The following ABCB9 variants were observed in gnomAD, a reference collection of about 807,000 sequenced individuals.
ABCB9 encodes ATP binding cassette subfamily B member 9, also known as ABC-type oligopeptide transporter ABCB9.
ABCB9 carries 36 observed loss-of-function variants against 62.0 expected under a neutral mutation model. That is an observed-to-expected ratio of 0.58 (90% CI 0.45 to 0.77). ABCB9 has a LOEUF of 0.77. ABCB9 is among the 30% of genes least tolerant of loss of function. The probability of loss-of-function intolerance (pLI) is 0.00; values close to 1 mark genes in which losing one functional copy is unlikely to be tolerated. For missense variants in ABCB9, 943 were observed against 1,054.7 expected (o/e 0.89, Z 1.47); for synonymous variants, 435 against 461.4 (o/e 0.94, Z 0.73).
chr12:122,946,319 G>A (rs1167010681), intron 5 of ABCB9, 97 bp from the exon 6 acceptor site: 54 of 1,254,536 alleles, frequency 4.3e-5, no homozygotes, highest in Non-Finnish European at 6.2e-5. Context: ...ACCCTTCGCT[G>A]GCACCAGCTA....
In ABCB9 at chr12:122,929,687, G is replaced by C; in HGVS notation, c.*224C>G. ...CTCTACCTTTGCTTAGGAGGCTAGG[G>C]AGGTCCGTGAAGGCGTTGGCTCAGG... On this transcript the variant is annotated 3_prime_UTR_variant, in exon 12 of 12. Coordinates refer to ENST00000280560, the MANE Select transcript of ABCB9 (RefSeq NM_019625.4). This position sits in a 1 kb window ranked among gnomAD's most constrained non-coding sequence, Gnocchi z 6.0. 7.8e-7 allele frequency: 1 copy of C among 1,287,724 alleles called. No homozygotes were observed. The highest frequency in any genetic ancestry group is 9.8e-7 in the Non-Finnish European group (1 of 1,015,620). The allele number at this position is 1,287,724 out of a possible 1,614,324, so 79.8% of individuals were successfully genotyped here.
intron 11 of ABCB9, among the ~76,000 whole-genome samples, chr12:122,923,259 T>G (rs1593951220): frequency 6.6e-6 from 1 of 152,234 alleles, no homozygotes; most frequent in Admixed American, 6.5e-5. Context: ...TGCACCACTG[T>G]GTCCTGCCTT....
In ABCB9 at chr12:122,959,552, G is replaced by C. The variant is rs1195876476; in HGVS notation, c.601+83C>G. 6.6e-6 allele frequency: 10 copies of C among 1,504,276 alleles called. No homozygotes were observed. Among genetic ancestry groups the C allele is most frequent in the Non-Finnish European group, 8.9e-6 (10 of 1,126,048 alleles). The allele number at this position is 1,504,276 out of a possible 1,614,324, so 93.2% of individuals were successfully genotyped here. A position where few individuals can be genotyped will look rare whatever the true frequency, so the allele number is the denominator to read the frequency against. Reference sequence around the variant, plus strand: ...TCAATTTGATGTCTGAACCACGTAAGTAAAATCTTTTAAAATCTAAGGCAG... The same window carrying C: ...TCAATTTGATGTCTGAACCACGTAACTAAAATCTTTTAAAATCTAAGGCAG... On this transcript the variant is annotated intron_variant, in intron 2 of 11. Coordinates refer to ENST00000280560, the MANE Select transcript of ABCB9 (RefSeq NM_019625.4). The surrounding 1 kb of genome is among the most constrained non-coding windows in gnomAD (Gnocchi z 5.4).
At chr12:122,957,317 T>G (rs1475964833) in intron 2 of ABCB9, among the ~76,000 whole-genome samples, 1 of 152,122 alleles carries the variant, frequency 6.6e-6, no homozygotes, top group Non-Finnish European at 1.5e-5. Flanking sequence ...GTGCTGGGAT[T>G]AGACATGAGC....
rs1420499664 is a variant in ABCB9, at chr12:122,935,336, C to T, written c.1839G>A (p.Val613=). The change falls in exon 10 of 12, where the codon GTG becomes GTA. Residue 613 remains valine, a synonymous_variant. Transcript: ENST00000280560. The part of the protein sequence containing the change: ...GLPTVPFEMV[V]EAAQKANAHG... ...GGGCATTGGCCTTCTGTGCGGCCTC[C>T]ACCACCATCTCGAAAGGCACAGTGG... 6.8e-6 allele frequency: 11 copies of T among 1,613,964 alleles called. No homozygotes were observed. Among genetic ancestry groups the T allele is most frequent in the Non-Finnish European group, 9.3e-6 (11 of 1,180,006 alleles).
rs757932330 is a variant in ABCB9, at chr12:122,959,956, C to T, written c.280G>A (p.Gly94Ser). Reference protein sequence around the residue: ...LVITLVCLFVGIYAMVKLLLF... With the variant: ...LVITLVCLFVSIYAMVKLLLF... ...AGCAGCTTCACCATGGCATAGATGC[C>T]CACGAAGAGGCACACGAGGGTGATG... The change falls in exon 2 of 12, where the codon GGC becomes AGC. Residue 94 changes from glycine (G) to serine (S), a missense_variant. Coordinates refer to ENST00000280560, the MANE Select transcript of ABCB9 (RefSeq NM_019625.4). This position sits in a 1 kb window ranked among gnomAD's most constrained non-coding sequence, Gnocchi z 5.4. The T allele has an allele frequency of 1.2e-6, 2 of 1,613,284 alleles. No homozygotes were observed. Among genetic ancestry groups the T allele is most frequent in the South Asian group, 2.2e-5 (2 of 91,088 alleles).
In ABCB9 at chr12:122,964,808, C is replaced by T. The variant is rs1254730195; in HGVS notation, c.-88+1479G>A. On this transcript the variant is annotated intron_variant, in intron 1 of 11. Transcript: ENST00000280560. The surrounding 1 kb of genome is among the most constrained non-coding windows in gnomAD (Gnocchi z 4.7). ...AAGGCCCAGGAAGACAGGGGTGGCT[C>T]GCCCTGACTCCGTGCACTAAAGAAT... is the stretch of plus-strand genomic sequence containing the variant. Among the ~76,000 whole-genome samples, 1 of 152,170 alleles carries T rather than the reference C, an allele frequency of 6.6e-6. No homozygotes were observed. Among genetic ancestry groups the T allele is most frequent in the African/African-American group, 2.4e-5 (1 of 41,448 alleles).
chr12:122,935,217 T>A (rs1162741195), intron 10 of ABCB9, 55 bp downstream of exon 10: 1 of 1,518,020 alleles, frequency 6.6e-7, no homozygotes, highest in Non-Finnish European at 8.8e-7. Flanking sequence ...CAGAGGGTTA[T>A]GTCCCTGAGG....
At chr12:122,943,666 G>A (rs921289944) in intron 7 of ABCB9, among the ~76,000 whole-genome samples, 2 of 151,978 alleles carry the variant, frequency 1.3e-5, no homozygotes, top group Admixed American at 6.6e-5. Flanking sequence ...TTTCGCTTTG[G>A]TTGCCCAGGC....
At chr12:122,920,913 T>TAA, downstream of ABCB9, 7 of 1,029,920 alleles carry the variant, frequency 6.8e-6, no homozygotes, top group East Asian at 2.9e-5. Context: ...ACCCCTGTCT[T>TAA]AAAAAAAAAA....
Position 122,959,207 on chromosome 12 carries a change from T to C in ABCB9, c.601+428A>G, listed in dbSNP as rs901253688. On this transcript the variant is annotated intron_variant, in intron 2 of 11. Transcript: ENST00000280560. The surrounding 1 kb of genome is among the most constrained non-coding windows in gnomAD (Gnocchi z 5.4). ...TTTCTACTAAAAATACAAAAATTAG[T>C]TGGGTGTGGTGGCATATGCCTGTAG... Among the ~76,000 whole-genome samples the C allele has an allele frequency of 2.2e-4, 33 of 151,132 alleles. No individual in the cohort carries two copies. Among genetic ancestry groups the C allele is most frequent in the Admixed American group, 6.6e-5 (1 of 15,222 alleles).
downstream of ABCB9, among the ~76,000 whole-genome samples, chr12:122,928,571 C>T (rs1002864488): frequency 1.3e-5 from 2 of 152,096 alleles, no homozygotes; most frequent in Admixed American, 6.6e-5. Flanking sequence ...GAATAACCAC[C>T]GCAGGGGTCT....
downstream of ABCB9, among the ~76,000 whole-genome samples, chr12:122,925,044 A>G (rs1026700926): frequency 6.6e-6 from 1 of 152,032 alleles, no homozygotes; most frequent in Non-Finnish European, 1.5e-5. Flanking sequence ...AGCCTCATGA[A>G]CAGCTGAGAC....
chr12:122,973,380 A>G (rs1224100398), intron 1 of ABCB9: 1 of 142,222 alleles, frequency 7.0e-6, no homozygotes, highest in Non-Finnish European at 1.5e-5. Context: ...CTGGCTAACA[A>G]GGTGAAACCC....
chr12:122,929,332 G>A lies in ABCB9; in HGVS notation c.*579C>T. 1.0e-6 allele frequency: 1 copy of A among 985,990 alleles called. No homozygotes were observed. The highest frequency in any genetic ancestry group is 4.7e-5 in the South Asian group (1 of 21,292). The allele number at this position is 985,990 out of a possible 1,614,324, so 61.1% of individuals were successfully genotyped here. ...CTTAGATTGGCAGCGGGCGATGGCA[G>A]ACAGATGCCCTCCACGCTCCCTACC... On this transcript the variant is annotated 3_prime_UTR_variant, in exon 12 of 12. Transcript: ENST00000280560. The surrounding 1 kb of genome is among the most constrained non-coding windows in gnomAD (Gnocchi z 6.0).
At position 122,948,691 on chromosome 12, in the gene ABCB9, G is replaced by A. The variant is rs770574958; in HGVS notation, c.986C>T (p.Ser329Phe). 6.2e-7 allele frequency: 1 copy of A among 1,614,058 alleles called. No homozygotes were observed. The highest frequency in any genetic ancestry group is 1.7e-5 in the Admixed American group (1 of 60,006). Residue 329 changes from serine (S) to phenylalanine (F), a missense_variant, in exon 5 of 12, where the codon TCC becomes TTC. Ser to Phe is a radical substitution (Grantham distance 155, BLOSUM62 -2). Coordinates refer to ENST00000280560, the MANE Select transcript of ABCB9 (RefSeq NM_019625.4). Reference protein sequence around the residue: ...VFMFSLSWQLSLVTFMGFPII... With the variant: ...VFMFSLSWQLFLVTFMGFPII... Reference sequence around the variant, plus strand: ...GGGGAAGCCCATGAAGGTGACCAAGGAGAGCTGCCATGAGAGGCTGAACAT... The same window carrying A: ...GGGGAAGCCCATGAAGGTGACCAAGAAGAGCTGCCATGAGAGGCTGAACAT...
rs146418823 is a variant in ABCB9, at chr12:122,942,544, G to A, written c.1381-1549C>T. Among the ~76,000 whole-genome samples, 1,065 of 151,512 alleles carry A rather than the reference G, an allele frequency of 7.0e-3. 15 individuals carry two copies. The highest frequency in any genetic ancestry group is 0.024 in the African/African-American group (975 of 41,234). ...TGAGGCAGGAGAATAGCTTGAACCCGGGAGGCAGGGGTTGCGGTGAGCCAA... is the reference window on the plus strand; with the variant it reads ...TGAGGCAGGAGAATAGCTTGAACCCAGGAGGCAGGGGTTGCGGTGAGCCAA... On this transcript the variant is annotated intron_variant, in intron 7 of 11. Coordinates refer to ENST00000280560, the MANE Select transcript of ABCB9 (RefSeq NM_019625.4).
chr12:122,920,564 G>C (rs536627404), downstream of ABCB9, among the ~76,000 whole-genome samples: 1 of 151,986 alleles, frequency 6.6e-6, no homozygotes, highest in Non-Finnish European at 1.5e-5. Context: ...TGCATTAACC[G>C]TAGTAGCTGC....
At chr12:122,949,524 G>A (rs2135857509) in intron 4 of ABCB9, among the ~76,000 whole-genome samples, 1 of 152,344 alleles carries the variant, frequency 6.6e-6, no homozygotes, top group Non-Finnish European at 1.5e-5. Context: ...TGGGGCAATG[G>A]AAAGCAAGGC....
Sources: gnomAD v4.1 joint callset for allele counts (sites outside exome capture counted in the v4.1 genomes callset) on GRCh38, gnomAD v4.1.1 for gene constraint, Gnocchi (gnomAD v3.1) non-coding constraint, MANE v1.5 for transcripts, NCBI Gene and HGNC (gene_info 2026-07-23, HGNC 2026-07-21) for gene names.